Variants in LAMA2 observed in about 807,000 individuals in gnomAD.
LAMA2 encodes laminin subunit alpha-2.
LAMA2 carries 269 observed loss-of-function variants against 364.8 expected under a neutral mutation model. The observed-to-expected ratio is 0.74, with a 90% CI of 0.67 to 0.82. LAMA2 has a LOEUF of 0.82. LAMA2 is among the 40% of genes least tolerant of loss of function. LAMA2 has a pLI of 0.00. For synonymous variants in LAMA2, 1,379 were observed against 1,370.6 expected (o/e 1.01, Z -0.14); for missense variants, 3,807 against 3,873.2 (o/e 0.98, Z 0.45).
intron 24 of LAMA2, 21 bp from the exon 25 acceptor site, chr6:129,315,455 C>A: frequency 6.2e-7 from 1 of 1,611,396 alleles, no homozygotes; most frequent in Non-Finnish European, 8.5e-7. Context: ...CAGCCTTCTG[C>A]TGTATTTTGA....
chr6:129,069,378 A>G (rs903449088), intron 3 of LAMA2, among the ~76,000 whole-genome samples: 6 of 148,570 alleles, frequency 4.0e-5, no homozygotes, highest in African/African-American at 7.3e-5. Flanking sequence ...TATGTATATC[A>G]TATTTGTTAT....
chr6:129,300,023 T>C (rs1583445984), intron 21 of LAMA2, among the ~76,000 whole-genome samples: 1 of 152,208 alleles, frequency 6.6e-6, no homozygotes, highest in Non-Finnish European at 1.5e-5. Flanking sequence ...ATTCCTTGTC[T>C]TGGATGGCTT....
chr6:129,315,655 G>C lies in LAMA2; in HGVS notation c.3735G>C (p.Lys1245Asn). The C allele has an allele frequency of 6.2e-7, 1 of 1,613,876 alleles. No homozygotes were observed. The change falls in exon 25 of 65, where the codon AAG (lysine) becomes AAC (asparagine). Residue 1245 changes from lysine (K) to asparagine (N), a missense_variant and splice_region_variant. Transcript: ENST00000421865. Reference sequence around the variant, plus strand: ...TTCCAGAACAATTTGAAGGAAAGAAGGTAAGCACAAGAACTTTAATGTCAA... The same window carrying C: ...TTCCAGAACAATTTGAAGGAAAGAACGTAAGCACAAGAACTTTAATGTCAA... Reference protein sequence around the residue: ...WKLPEQFEGKKLMAYGGKLKY... With the variant: ...WKLPEQFEGKNLMAYGGKLKY...
At chr6:129,503,041 T>G in intron 59 of LAMA2, 50 bp from the exon 60 acceptor site, 9 of 1,522,116 alleles carry the variant, frequency 5.9e-6, no homozygotes, top group African/African-American at 1.4e-5. Context: ...TATTTTAGCA[T>G]GAGAATGCTG....
At chr6:129,440,216 A>G (rs73599214) in intron 42 of LAMA2, among the ~76,000 whole-genome samples, 12,942 of 152,088 alleles carry the variant, frequency 0.085, 543 homozygotes, top group African/African-American at 0.093. Context: ...ATCAGGAGAC[A>G]AATGCACATA....
At chr6:129,040,986 AAC>A (rs1216512265) in intron 1 of LAMA2, among the ~76,000 whole-genome samples, 1 of 152,232 alleles carries the variant, frequency 6.6e-6, no homozygotes, top group Non-Finnish European at 1.5e-5. Flanking sequence ...AGAAGAGTGA[AAC>A]ACAGTAGATC....
At chr6:129,227,068 C>A (rs1308286465) in intron 12 of LAMA2, among the ~76,000 whole-genome samples, 1 of 152,174 alleles carries the variant, frequency 6.6e-6, no homozygotes. Flanking sequence ...CTTCTCACTT[C>A]ATTTCATTCA....
chr6:128,932,704 T>C (rs1779556539), intron 1 of LAMA2, among the ~76,000 whole-genome samples: 1 of 152,198 alleles, frequency 6.6e-6, no homozygotes, highest in Admixed American at 6.5e-5. Flanking sequence ...AGAGGTATAA[T>C]TGACAATTAA....
At chr6:129,005,710 A>ATGTG (rs747533056) in intron 1 of LAMA2, among the ~76,000 whole-genome samples, 4 of 148,618 alleles carry the variant, frequency 2.7e-5, no homozygotes, top group Middle Eastern at 3.5e-3. Context: ...TGGGGGAAAA[A>ATGTG]TGTGTGTGTG....
At chr6:129,064,410 G>A (rs974316566) in intron 3 of LAMA2, among the ~76,000 whole-genome samples, 1 of 150,872 alleles carries the variant, frequency 6.6e-6, no homozygotes, top group Non-Finnish European at 1.5e-5. Flanking sequence ...AACAAACTAG[G>A]CCTAGAAGTA....
chr6:128,952,655 A>G (rs996288754), intron 1 of LAMA2, among the ~76,000 whole-genome samples: 3 of 152,204 alleles, frequency 2.0e-5, no homozygotes, highest in African/African-American at 4.8e-5. Flanking sequence ...TCACACTTTT[A>G]TATTAATAGT....
chr6:128,929,593 A>C, intron 1 of LAMA2: 2 of 1,298,590 alleles, frequency 1.5e-6, no homozygotes, highest in Non-Finnish European at 1.1e-6. Flanking sequence ...CTGGAGCCCC[A>C]GATGCCGCAA....
intron 22 of LAMA2, among the ~76,000 whole-genome samples, chr6:129,310,181 G>C (rs570716621): frequency 6.3e-4 from 96 of 152,246 alleles, no homozygotes; most frequent in African/African-American, 2.1e-3. Context: ...TTACAGGCGT[G>C]AGCCACCGCG....
intron 14 of LAMA2, among the ~76,000 whole-genome samples, chr6:129,259,233 T>TA (rs1471699967): frequency 6.6e-6 from 1 of 152,144 alleles, no homozygotes; most frequent in East Asian, 1.9e-4. Context: ...CTTTTGAAGA[T>TA]ATGTTTACAC....
At chr6:129,357,741 C>T (rs1260153173) in intron 32 of LAMA2, among the ~76,000 whole-genome samples, 2 of 151,918 alleles carry the variant, frequency 1.3e-5, no homozygotes, top group African/African-American at 4.8e-5. Context: ...CAGTTGCCAC[C>T]AAAGATCTGA....
intron 1 of LAMA2, among the ~76,000 whole-genome samples, chr6:129,039,336 C>G (rs1438053336): frequency 6.6e-6 from 1 of 152,114 alleles, no homozygotes; most frequent in East Asian, 1.9e-4. Flanking sequence ...AAAGCATTTT[C>G]AAAATGCCTG....
At chr6:128,994,623 C>A (rs1316877665) in intron 1 of LAMA2, among the ~76,000 whole-genome samples, 3 of 152,044 alleles carry the variant, frequency 2.0e-5, no homozygotes, top group Non-Finnish European at 4.4e-5. Context: ...TCACAGGAAT[C>A]CTGAGTACAT....
intron 4 of LAMA2, among the ~76,000 whole-genome samples, chr6:129,132,133 A>C (rs1266772058): frequency 6.6e-6 from 1 of 150,602 alleles, no homozygotes; most frequent in African/African-American, 2.4e-5. Context: ...ACAGATCTGG[A>C]GGGGATTTGA....
At chr6:129,267,351 T>C (rs993964033) in intron 16 of LAMA2, 132 bp downstream of exon 16, 17 of 736,958 alleles carry the variant, frequency 2.3e-5, no homozygotes, top group Non-Finnish European at 3.3e-5. Context: ...ATCTTTGTAT[T>C]GAACTGAATT....
Sources: gnomAD v4.1 joint callset for allele counts (sites outside exome capture counted in the v4.1 genomes callset) on GRCh38, gnomAD v4.1.1 for gene constraint, MANE v1.5 for transcripts, NCBI Gene and HGNC (gene_info 2026-07-23, HGNC 2026-07-21) for gene names.